Variants in RAB40C observed in about 807,000 individuals in gnomAD.
RAB40C encodes the protein ras-related protein Rab-40C.
Under a neutral mutation model 28.1 loss-of-function variants are expected in RAB40C, and 8 were observed. The observed-to-expected ratio is 0.28, with a 90% CI of 0.17 to 0.51. The LOEUF (loss-of-function observed/expected upper bound fraction) is 0.51. RAB40C is among the 20% of genes least tolerant of loss of function. The pLI is 0.97. For missense variants in RAB40C, 288 were observed against 405.9 expected, an observed-to-expected ratio of 0.71 and a Z score of 2.50; for synonymous variants, 201 against 171.7, an observed-to-expected ratio of 1.17 and a Z score of -1.34.
At chr16:591,444 C>T (rs890847636) in intron 1 of RAB40C, among the ~76,000 whole-genome samples, 4 of 152,116 alleles carry the variant, frequency 2.6e-5, no homozygotes, top group African/African-American at 7.2e-5. Flanking sequence ...GACCCTGTCT[C>T]GAGCGTGCAC....
chr16:623,115 C>T (rs1412824666), intron 3 of RAB40C, among the ~76,000 whole-genome samples: 3 of 152,190 alleles, frequency 2.0e-5, no homozygotes, highest in South Asian at 2.1e-4. Context: ...GGGCAGCAGC[C>T]GGGAGGTGTG....
At chr16:604,957 C>G (rs1386030170) in intron 1 of RAB40C, among the ~76,000 whole-genome samples, 1 of 152,032 alleles carries the variant, frequency 6.6e-6, no homozygotes, top group Non-Finnish European at 1.5e-5. Context: ...ACTTGGGAGG[C>G]TGAGGCAGGA....
rs567470651 is a variant in RAB40C at position 620,506 on chromosome 16, A to G, written c.264+2246A>G. On this transcript the variant is annotated intron_variant, in intron 3 of 5. Coordinates refer to ENST00000248139, the MANE Select transcript of RAB40C (RefSeq NM_021168.5). The stretch of plus-strand genomic sequence containing the variant: ...TGCAATAAACATATACTATTTTGGT[A>G]TTAAAAAATATGGGGCGCAGTTATG... Among the ~76,000 whole-genome samples the G allele has an allele frequency of 6.6e-5, 10 of 152,366 alleles. 1 individual carries two copies. In the East Asian group the frequency reaches 1.9e-3, roughly 29 times the overall value.
chr16:626,808 C>T (rs757459772), intron 5 of RAB40C, among the ~76,000 whole-genome samples: 1 of 152,212 alleles, frequency 6.6e-6, no homozygotes, highest in Non-Finnish European at 1.5e-5. Context: ...CGTGGTGACG[C>T]ACACCTGTAG....
At position 610,247 on chromosome 16, in the gene RAB40C, G is replaced by A. The variant is rs1044974606; in HGVS notation, c.143-6961G>A. Among the ~76,000 whole-genome samples the A allele has an allele frequency of 3.3e-5, 5 of 152,180 alleles. No homozygotes were observed. Among genetic ancestry groups the A allele is most frequent in the East Asian group, 1.9e-4 (1 of 5,186 alleles). On this transcript the variant is annotated intron_variant, in intron 1 of 5. Coordinates refer to ENST00000248139, the MANE Select transcript of RAB40C (RefSeq NM_021168.5). The surrounding 1 kb of genome is among the most constrained non-coding windows in gnomAD (Gnocchi z 4.6). The stretch of plus-strand genomic sequence containing the variant: ...CCCCTGAGGTCAGAGCGCCTGTCCT[G>A]TGGAGCGGCTCTGACCAGGACAGTG...
At chr16:625,765 C>A in intron 4 of RAB40C, 134 bp from the exon 5 acceptor site, 1 of 982,484 alleles carries the variant, frequency 1.0e-6, no homozygotes, top group Non-Finnish European at 1.5e-6. Context: ...GGTCTGCCCA[C>A]CTTGACCTCC....
At position 611,702 on chromosome 16, in the gene RAB40C, C is replaced by T. The variant is rs547550993; in HGVS notation, c.143-5506C>T. On this transcript the variant is annotated intron_variant, in intron 1 of 5. Coordinates refer to ENST00000248139, the MANE Select transcript of RAB40C (RefSeq NM_021168.5). ...TGGCCTGTAGAATCAAGAGCAGGGA[C>T]AGCCGCCCTGGCCTGTAGAATCAAG... 1.1e-4 allele frequency among the ~76,000 whole-genome samples: 12 copies of T among 111,026 alleles called. No individual in the cohort carries two copies. In the South Asian group the frequency reaches 5.0e-3, roughly 46 times the overall value. The allele number at this position is 111,026 out of a possible 152,430, so 72.8% of individuals were successfully genotyped here.
chr16:600,317 T>G (rs746248855), intron 1 of RAB40C, among the ~76,000 whole-genome samples: 9 of 152,256 alleles, frequency 5.9e-5, no homozygotes, highest in Non-Finnish European at 4.4e-5. Context: ...GTCAGCTTCT[T>G]AAATTACTTT....
intron 1 of RAB40C, among the ~76,000 whole-genome samples, chr16:592,885 G>A (rs1423076890): frequency 6.6e-6 from 1 of 152,216 alleles, no homozygotes; most frequent in Admixed American, 6.5e-5. Context: ...GTGGGGCATT[G>A]CCACACTTCC....
At chr16:623,958 G>A (rs769744366) in intron 3 of RAB40C, 6 of 985,340 alleles carry the variant, frequency 6.1e-6, no homozygotes, top group African/African-American at 1.7e-5. Context: ...AATGCCATCC[G>A]CAGTGCTGGG....
chr16:605,991 T>A (rs1382390827), intron 1 of RAB40C, among the ~76,000 whole-genome samples: 6 of 152,268 alleles, frequency 3.9e-5, no homozygotes, highest in Non-Finnish European at 8.8e-5. Flanking sequence ...ATTTCTATTC[T>A]GTCAGTAACC....
rs1370876055 is a variant in RAB40C, at chr16:590,275, G to A, written c.-17G>A. 3 of 1,487,610 alleles carry A rather than the reference G, an allele frequency of 2.0e-6. No individual in the cohort carries two copies. Among genetic ancestry groups the A allele is most frequent in the Admixed American group, 2.3e-5 (1 of 42,962 alleles). 92.2% of individuals were successfully genotyped at this position (1,487,610 alleles called of 1,614,324 possible). On this transcript the variant is annotated 5_prime_UTR_variant, in exon 1 of 6. Transcript: ENST00000248139. Reference sequence around the variant, plus strand: ...TGCTTCGGCAGGCGGCCGGCGCGGGGCGCAGGCGGCGCGGCCATGGGCTCG... The same window carrying A: ...TGCTTCGGCAGGCGGCCGGCGCGGGACGCAGGCGGCGCGGCCATGGGCTCG...
chr16:615,088 T>C (rs528678891), intron 1 of RAB40C, among the ~76,000 whole-genome samples: 1 of 152,218 alleles, frequency 6.6e-6, no homozygotes, highest in African/African-American at 2.4e-5. Flanking sequence ...TTGGGACGTT[T>C]GGTTTTCTGT....
chr16:627,590 A>G lies in RAB40C; in HGVS notation c.814A>G (p.Asn272Asp). 6.2e-7 allele frequency: 1 copy of G among 1,602,218 alleles called. No homozygotes were observed. Among genetic ancestry groups the G allele is most frequent in the Non-Finnish European group, 8.5e-7 (1 of 1,172,830 alleles). ...CCGTCCACCCCAGAGCCCCCCCCAGAACTGCTCGCGGAGTAACTGCAAGAT... is the reference window on the plus strand; with the variant it reads ...CCGTCCACCCCAGAGCCCCCCCCAGGACTGCTCGCGGAGTAACTGCAAGAT... ...SIRPPQSPPQ[N>D]CSRSNCKIS Residue 272 changes from asparagine to aspartate, a missense_variant, in exon 6 of 6, where the codon AAC (asparagine) becomes GAC (aspartate). Asn to Asp is a conservative substitution (Grantham distance 23). Around this residue, in one of 3 missense-constraint regions of RAB40C, gnomAD observed 57 missense variants for 55.3 expected, o/e 1.03. Coordinates refer to ENST00000248139, the MANE Select transcript of RAB40C (RefSeq NM_021168.5).
At chr16:591,678 G>C (rs1312816486) in intron 1 of RAB40C, among the ~76,000 whole-genome samples, 1 of 150,504 alleles carries the variant, frequency 6.6e-6, no homozygotes, top group South Asian at 2.1e-4. Flanking sequence ...TGCAACCTCC[G>C]CCTCCTGGGT....
At chr16:597,153 G>T (rs1211813563) in intron 1 of RAB40C, among the ~76,000 whole-genome samples, 1 of 152,098 alleles carries the variant, frequency 6.6e-6, no homozygotes, top group Non-Finnish European at 1.5e-5. Context: ...GAGCAGCCAG[G>T]TTCTAGTGCT....
At chr16:609,251 G>A (rs2036431362) in intron 1 of RAB40C, among the ~76,000 whole-genome samples, 1 of 152,206 alleles carries the variant, frequency 6.6e-6, no homozygotes. Context: ...GGTCAGGGCA[G>A]TGCCTGGTGT....
At chr16:598,547 G>A (rs2891650) in intron 1 of RAB40C, among the ~76,000 whole-genome samples, 32,221 of 143,256 alleles carry the variant, frequency 0.22, 4,451 homozygotes, top group East Asian at 0.6. Context: ...GTGACAGAGC[G>A]AGACTCTGTC....
chr16:616,491 A>G (rs1375065064), intron 1 of RAB40C, among the ~76,000 whole-genome samples: 2 of 151,842 alleles, frequency 1.3e-5, no homozygotes. Context: ...GGTGCCCACC[A>G]CCACACCTGG....
Sources: gnomAD v4.1 joint callset for allele counts (sites outside exome capture counted in the v4.1 genomes callset) on GRCh38, gnomAD v4.1.1 for gene constraint, gnomAD v4.1.1 regional missense constraint, Gnocchi (gnomAD v3.1) non-coding constraint, MANE v1.5 for transcripts, NCBI Gene and HGNC (gene_info 2026-07-23, HGNC 2026-07-21) for gene names.